Variants in CAMK2D observed in about 807,000 individuals in gnomAD.
CAMK2D encodes the protein calcium/calmodulin dependent protein kinase II delta.
CAMK2D carries 37 observed loss-of-function variants against 84.0 expected under a neutral mutation model. That is an observed-to-expected ratio of 0.44 (90% CI 0.34 to 0.58). CAMK2D has a LOEUF of 0.58. Among genes scored for constraint, CAMK2D ranks in the 20% least tolerant of loss-of-function variants. CAMK2D has a pLI of 0.02. For missense variants in CAMK2D, 448 were observed against 652.5 expected (o/e 0.69, Z 3.41); for synonymous variants, 202 against 212.5 (o/e 0.95, Z 0.43).
chr4:113,514,023 A>C, intron 10 of CAMK2D, 110 bp from the exon 11 acceptor site: 1 of 536,036 alleles, frequency 1.9e-6, no homozygotes, highest in Non-Finnish European at 3.3e-6. Flanking sequence ...CACCTGCAGG[A>C]TCAACTTCTA....
chr4:113,749,926 G>A (rs1480955214), intron 2 of CAMK2D, among the ~76,000 whole-genome samples: 1 of 152,210 alleles, frequency 6.6e-6, no homozygotes, highest in African/African-American at 2.4e-5. Flanking sequence ...TACTTTGCCA[G>A]TCATAAGTTT....
intron 3 of CAMK2D, among the ~76,000 whole-genome samples, chr4:113,642,089 T>C (rs1391728213): frequency 1.3e-5 from 2 of 152,024 alleles, no homozygotes; most frequent in Non-Finnish European, 2.9e-5. Flanking sequence ...AGTGGTAGAT[T>C]CCTAGAGCCC....
At chr4:113,633,395 AAAC>A (rs1332156648) in intron 3 of CAMK2D, among the ~76,000 whole-genome samples, 1 of 152,200 alleles carries the variant, frequency 6.6e-6, no homozygotes, top group Non-Finnish European at 1.5e-5. Context: ...TTAATACAGA[AAAC>A]AACGTCAATG....
At chr4:113,506,492 G>C (rs1489087729) in intron 13 of CAMK2D, among the ~76,000 whole-genome samples, 1 of 151,964 alleles carries the variant, frequency 6.6e-6, no homozygotes, top group Non-Finnish European at 1.5e-5. Context: ...AATTTAACAT[G>C]ATATTTGTGC....
At chr4:113,683,370 T>G (rs1388198006) in intron 2 of CAMK2D, among the ~76,000 whole-genome samples, 2 of 152,120 alleles carry the variant, frequency 1.3e-5, no homozygotes, top group Admixed American at 1.3e-4. Context: ...TACAGGAACA[T>G]GGCTGAGAGG....
intron 2 of CAMK2D, among the ~76,000 whole-genome samples, chr4:113,700,058 C>T (rs931932131): frequency 3.9e-5 from 6 of 151,972 alleles, no homozygotes; most frequent in Admixed American, 1.3e-4. Flanking sequence ...TCTGTGGAAA[C>T]GCAAGTATGT....
chr4:113,754,214 T>C (rs967992486), intron 2 of CAMK2D: 8 of 969,246 alleles, frequency 8.3e-6, no homozygotes, highest in African/African-American at 1.8e-5. Context: ...TAATCATTAA[T>C]TGCCAATGAT....
chr4:113,639,680 G>A (rs923139906), intron 3 of CAMK2D, among the ~76,000 whole-genome samples: 12 of 151,824 alleles, frequency 7.9e-5, no homozygotes, highest in South Asian at 2.1e-4. Context: ...GAAGAAGAGC[G>A]TCTCCCACCA....
At chr4:113,473,896 T>C (rs953713553) in intron 16 of CAMK2D, among the ~76,000 whole-genome samples, 1 of 152,184 alleles carries the variant, frequency 6.6e-6, no homozygotes, top group African/African-American at 2.4e-5. Flanking sequence ...AATATGGTCA[T>C]GTTATTCCTA....
intron 4 of CAMK2D, among the ~76,000 whole-genome samples, chr4:113,557,873 C>T (rs1321754761): frequency 1.3e-5 from 2 of 152,142 alleles, no homozygotes; most frequent in Admixed American, 6.5e-5. Context: ...TACCAGAGTA[C>T]CTGTGCATAT....
intron 3 of CAMK2D, among the ~76,000 whole-genome samples, chr4:113,660,171 T>C (rs144140510): frequency 2.0e-4 from 30 of 152,326 alleles, no homozygotes; most frequent in African/African-American, 7.0e-4. Flanking sequence ...AACAATAAAA[T>C]TGAGGGAGCT....
At chr4:113,507,995 G>A (rs1459060229) in intron 13 of CAMK2D, among the ~76,000 whole-genome samples, 2 of 152,000 alleles carry the variant, frequency 1.3e-5, no homozygotes, top group African/African-American at 4.8e-5. Context: ...TTTTCAAAGA[G>A]AAAATTGACT....
chr4:113,640,908 A>G (rs1561538032), intron 3 of CAMK2D, among the ~76,000 whole-genome samples: 1 of 152,224 alleles, frequency 6.6e-6, no homozygotes, highest in Admixed American at 6.5e-5. Flanking sequence ...TGGAGACAAC[A>G]TTGTTCCTTC....
At chr4:113,681,979 T>C (rs1032625787) in intron 2 of CAMK2D, among the ~76,000 whole-genome samples, 3 of 152,184 alleles carry the variant, frequency 2.0e-5, no homozygotes, top group Non-Finnish European at 4.4e-5. Context: ...TGACATTCTC[T>C]ACCAAAATAT....
chr4:113,463,010 T>A (rs2097409220), intron 17 of CAMK2D, among the ~76,000 whole-genome samples: 1 of 147,578 alleles, frequency 6.8e-6, no homozygotes, highest in Admixed American at 6.7e-5. Context: ...AAAACAGACT[T>A]CTTCTTAACT....
chr4:113,564,871 T>G (rs2098714977), intron 4 of CAMK2D, among the ~76,000 whole-genome samples: 1 of 152,218 alleles, frequency 6.6e-6, no homozygotes, highest in Non-Finnish European at 1.5e-5. Context: ...ATGAGGAATA[T>G]GATGGCCCCT....
Position 113,454,255 on chromosome 4 carries a change from A to AT in CAMK2D, c.*289dup, listed in dbSNP as rs75145111. 0.013 allele frequency: 3,687 copies of AT among 291,312 alleles called. 28 individuals are homozygous for AT. The highest frequency in any genetic ancestry group is 0.032 in the African/African-American group (1,438 of 44,996). The allele number at this position is 291,312 out of a possible 1,614,324, so 18.0% of individuals were successfully genotyped here. A position where few individuals can be genotyped will look rare whatever the true frequency, so the allele number is the denominator to read the frequency against. On this transcript the variant is annotated 3_prime_UTR_variant, in exon 21 of 21. Coordinates refer to ENST00000511664, the MANE Select transcript of CAMK2D (RefSeq NM_001321571.2). ...AAGAGTTGTACTTGGAATATTGTGG[A>AT]TTTTTTTTTTTGTCTAATCTCCCCC...
chr4:113,646,933 C>A (rs1278533288), intron 3 of CAMK2D, among the ~76,000 whole-genome samples: 2 of 152,210 alleles, frequency 1.3e-5, no homozygotes, highest in African/African-American at 4.8e-5. Context: ...ATAACTGCAT[C>A]ATAAACCTCC....
At chr4:113,481,124 G>A (rs952504729) in intron 16 of CAMK2D, among the ~76,000 whole-genome samples, 2 of 152,150 alleles carry the variant, frequency 1.3e-5, no homozygotes, top group Admixed American at 1.3e-4. Flanking sequence ...AAATTATGGA[G>A]CGAGGTAATT....
Sources: gnomAD v4.1 joint callset for allele counts (sites outside exome capture counted in the v4.1 genomes callset) on GRCh38, gnomAD v4.1.1 for gene constraint, MANE v1.5 for transcripts, NCBI Gene and HGNC (gene_info 2026-07-23, HGNC 2026-07-21) for gene names.